Variants in GNG7 observed in about 807,000 individuals in gnomAD.
GNG7 encodes the protein G protein subunit gamma 7, also known as guanine nucleotide-binding protein G(I)/G(S)/G(O) subunit gamma-7.
Under a neutral mutation model 4.0 loss-of-function variants are expected in GNG7, and 1 was observed. The observed-to-expected ratio is 0.25, with a 90% confidence interval of 0.09 to 1.18. The LOEUF (loss-of-function observed/expected upper bound fraction) is 1.18, where lower values mean the gene tolerates loss of function less well. Ranked by LOEUF, GNG7 falls within the 50% of genes most tolerant of loss-of-function variation. The probability of loss-of-function intolerance (pLI) is 0.50; values close to 1 mark genes in which losing one functional copy is unlikely to be tolerated. For missense variants in GNG7, 86 were observed against 91.9 expected, an observed-to-expected ratio of 0.94 and a Z score of 0.26; for synonymous variants, 34 against 36.9, an observed-to-expected ratio of 0.92 and a Z score of 0.29.
chr19:2,528,269 TAAA>T (rs59084924), intron 3 of GNG7, among the ~76,000 whole-genome samples: 9 of 78,830 alleles, frequency 1.1e-4, no homozygotes, highest in Admixed American at 6.2e-4. Context: ...AGACCCTGTC[TAAA>T]AAAAAAAAAA....
chr19:2,604,328 C>T (rs113161984), intron 2 of GNG7, among the ~76,000 whole-genome samples: 12,422 of 151,324 alleles, frequency 0.082, 1,687 homozygotes, highest in African/African-American at 0.29. Flanking sequence ...ATAAATTAGC[C>T]GGATGTGGTG....
At chr19:2,631,634 G>C (rs1027118195) in intron 2 of GNG7, among the ~76,000 whole-genome samples, 1 of 152,004 alleles carries the variant, frequency 6.6e-6, no homozygotes, top group Non-Finnish European at 1.5e-5. Context: ...GGGAGTGGAG[G>C]GGGGAACTTG....
At chr19:2,575,862 C>G (rs1421656393) in intron 2 of GNG7, among the ~76,000 whole-genome samples, 1 of 149,452 alleles carries the variant, frequency 6.7e-6, no homozygotes, top group Non-Finnish European at 1.5e-5. Context: ...CGCAGGCACA[C>G]GCAGACACAG....
intron 3 of GNG7, among the ~76,000 whole-genome samples, chr19:2,524,426 T>G (rs186419860): frequency 6.6e-6 from 1 of 152,282 alleles, no homozygotes; most frequent in Non-Finnish European, 1.5e-5. Context: ...TGTGCACATG[T>G]GTATGTGTGT....
At chr19:2,562,122 G>T (rs1031001723) in intron 2 of GNG7, among the ~76,000 whole-genome samples, 1 of 152,028 alleles carries the variant, frequency 6.6e-6, no homozygotes, top group Non-Finnish European at 1.5e-5. Context: ...AGGCATTCAC[G>T]CCCTCCACCC....
intron 2 of GNG7, among the ~76,000 whole-genome samples, chr19:2,601,128 T>TC (rs891508809): frequency 8.6e-5 from 13 of 151,166 alleles, no homozygotes; most frequent in African/African-American, 2.4e-4. Context: ...AGGAGAGACC[T>TC]CCCCCCCGCC....
At chr19:2,605,747 C>T (rs1416500611) in intron 2 of GNG7, among the ~76,000 whole-genome samples, 3 of 148,154 alleles carry the variant, frequency 2.0e-5, no homozygotes, top group East Asian at 2.1e-4. Flanking sequence ...CTCCTGACCT[C>T]GTGATCTGCC....
At chr19:2,658,161 C>T (rs1321905346) in intron 1 of GNG7, among the ~76,000 whole-genome samples, 1 of 152,046 alleles carries the variant, frequency 6.6e-6, no homozygotes, top group African/African-American at 2.4e-5. Flanking sequence ...CTCTCGTCTC[C>T]ACACACGGGG....
At chr19:2,589,224 G>A (rs974956104) in intron 2 of GNG7, among the ~76,000 whole-genome samples, 5 of 147,412 alleles carry the variant, frequency 3.4e-5, no homozygotes, top group Non-Finnish European at 6.0e-5. Flanking sequence ...CACCACGCCC[G>A]GCCGTCTCTT....
intron 1 of GNG7, among the ~76,000 whole-genome samples, chr19:2,699,883 G>A (rs1913359794): frequency 6.6e-6 from 1 of 152,138 alleles, no homozygotes; most frequent in African/African-American, 2.4e-5. Context: ...TATAATCACA[G>A]CTCGATGTGG....
chr19:2,652,130 G>A (rs56385135), intron 1 of GNG7, among the ~76,000 whole-genome samples: 5 of 151,596 alleles, frequency 3.3e-5, no homozygotes, highest in South Asian at 2.1e-4. Context: ...AGCCAAGATC[G>A]CACTACTGCA....
chr19:2,615,814 A>G (rs1981709577), intron 2 of GNG7, among the ~76,000 whole-genome samples: 1 of 152,172 alleles, frequency 6.6e-6, no homozygotes, highest in African/African-American at 2.4e-5. Context: ...TGCCCTCTGC[A>G]GTGGGAAATT....
chr19:2,598,042 C>T lies in GNG7; in HGVS notation c.-77-42854G>A, dbSNP rs554044504. 9.6e-3 allele frequency among the ~76,000 whole-genome samples: 1,457 copies of T among 152,238 alleles called. 16 individuals carry two copies. Among genetic ancestry groups the T allele is most frequent in the South Asian group, 0.024 (116 of 4,826 alleles). ...CTAGGGAGTTTCAGTGGTTAGACGA[C>T]AATGACCAGGACAACTGTGTGAGCA... On this transcript the variant is annotated intron_variant, in intron 2 of 4. Transcript: ENST00000382159.
At chr19:2,654,990 C>A (rs1599444574) in intron 1 of GNG7, among the ~76,000 whole-genome samples, 1 of 152,098 alleles carries the variant, frequency 6.6e-6, no homozygotes, top group Non-Finnish European at 1.5e-5. Flanking sequence ...AGTTCAAGAC[C>A]AGCCTGGACC....
intron 2 of GNG7, among the ~76,000 whole-genome samples, chr19:2,587,367 C>G (rs1980706928): frequency 6.6e-6 from 1 of 152,164 alleles, no homozygotes; most frequent in South Asian, 2.1e-4. Flanking sequence ...CCCACGTTCT[C>G]AGGTCCTGGG....
chr19:2,580,232 CTCTG>C (rs1410603336), intron 2 of GNG7, among the ~76,000 whole-genome samples: 7 of 152,018 alleles, frequency 4.6e-5, no homozygotes, highest in South Asian at 2.1e-4. Flanking sequence ...CTTCATGCCT[CTCTG>C]TCTAAGGGGC....
In GNG7 at chr19:2,513,362, G is replaced by A; in HGVS notation, c.*1660C>T. On this transcript the variant is annotated 3_prime_UTR_variant, in exon 5 of 5. Coordinates refer to ENST00000382159, the MANE Select transcript of GNG7 (RefSeq NM_052847.3). Reference sequence around the variant, plus strand: ...TACTTGCTTCTAGGCCAGCCCCGTGGAGGGGGTCGGGGCGGCCAGGCCTCC... The same window carrying A: ...TACTTGCTTCTAGGCCAGCCCCGTGAAGGGGGTCGGGGCGGCCAGGCCTCC... 1 of 415,682 alleles carries A rather than the reference G, an allele frequency of 2.4e-6. No individual in the cohort carries two copies. The highest frequency in any genetic ancestry group is 3.2e-6 in the Non-Finnish European group (1 of 309,222). The allele number at this position is 415,682 out of a possible 1,614,324, so 25.7% of individuals were successfully genotyped here.
chr19:2,512,964 AGCCTCTGGGGCTCTCCCG>A lies in GNG7; in HGVS notation c.*2040_*2057del. ...ACCACAGGAGGCTGCAGTCTCCGGG[AGCCTCTGGGGCTCTCCCG>A]GGCCAACAGCAGGTTTGGCGGGTAG... On this transcript the variant is annotated 3_prime_UTR_variant, in exon 5 of 5. Coordinates refer to ENST00000382159, the MANE Select transcript of GNG7 (RefSeq NM_052847.3). The surrounding 1 kb of genome is among the most constrained non-coding windows in gnomAD (Gnocchi z 4.7). The A allele has an allele frequency of 1.0e-6, 1 of 985,346 alleles. No homozygotes were observed. Among genetic ancestry groups the A allele is most frequent in the Non-Finnish European group, 1.2e-6 (1 of 829,948 alleles). 61.0% of individuals were successfully genotyped at this position (985,346 alleles called of 1,614,324 possible).
At chr19:2,612,328 G>A (rs1461607581) in intron 2 of GNG7, among the ~76,000 whole-genome samples, 1 of 152,114 alleles carries the variant, frequency 6.6e-6, no homozygotes, top group East Asian at 1.9e-4. Context: ...TCCCAGTTGT[G>A]ATAACCACAC....
Sources: allele counts gnomAD v4.1 joint callset (sites outside exome capture counted in the v4.1 genomes callset), GRCh38; gene constraint gnomAD v4.1.1; non-coding constraint Gnocchi (gnomAD v3.1); transcripts MANE v1.5; gene names NCBI Gene and HGNC (gene_info 2026-07-23, HGNC 2026-07-21).